The following NCAM2 variants were observed in gnomAD, a reference collection of about 807,000 sequenced individuals.
NCAM2 encodes the protein neural cell adhesion molecule 2.
A neutral mutation model predicts 98.1 loss-of-function variants in NCAM2; 30 were observed. That is an observed-to-expected ratio of 0.31 (90% CI 0.23 to 0.41). NCAM2 has a LOEUF of 0.41. Among genes scored for constraint, NCAM2 ranks in the 10% least tolerant of loss-of-function variants. NCAM2 has a pLI of 1.00. For synonymous variants in NCAM2, 368 were observed against 342.4 expected, an observed-to-expected ratio of 1.07 and a Z score of -0.83; for missense variants, 867 against 1,005.8, an observed-to-expected ratio of 0.86 and a Z score of 1.87.
intron 15 of NCAM2, among the ~76,000 whole-genome samples, chr21:21,506,834 T>A (rs930151174): frequency 7.2e-5 from 11 of 152,122 alleles, no homozygotes; most frequent in Admixed American, 3.3e-4. Context: ...CTACCTTGTG[T>A]TTATCACTAG....
intron 1 of NCAM2, among the ~76,000 whole-genome samples, chr21:21,079,103 T>C (rs1232571946): frequency 1.3e-5 from 2 of 152,156 alleles, no homozygotes; most frequent in Admixed American, 6.5e-5. Context: ...AAAACCTCGC[T>C]GAAGGGTTGA....
chr21:21,076,741 A>G (rs75810294), intron 1 of NCAM2, among the ~76,000 whole-genome samples: 1 of 152,076 alleles, frequency 6.6e-6, no homozygotes, highest in East Asian at 1.9e-4. Flanking sequence ...TCGGCTTTTT[A>G]AAAAAAATGC....
At chr21:21,343,270 G>A (rs916461454) in intron 8 of NCAM2, among the ~76,000 whole-genome samples, 12 of 151,450 alleles carry the variant, frequency 7.9e-5, no homozygotes, top group Middle Eastern at 3.4e-3. Context: ...TAGAGGTGTG[G>A]GAGGGGAGCA....
chr21:21,060,749 C>A (rs2065304738), intron 1 of NCAM2, among the ~76,000 whole-genome samples: 1 of 151,884 alleles, frequency 6.6e-6, no homozygotes, highest in Non-Finnish European at 1.5e-5. Context: ...TTTGAAGAGC[C>A]CATTTTTAAC....
chr21:21,480,162 C>A (rs181450484), intron 15 of NCAM2, among the ~76,000 whole-genome samples: 9 of 151,754 alleles, frequency 5.9e-5, no homozygotes, highest in Non-Finnish European at 1.2e-4. Flanking sequence ...GTCAGGAGAT[C>A]GAGACCATCC....
chr21:21,086,670 T>C (rs1297438448), intron 1 of NCAM2, among the ~76,000 whole-genome samples: 1 of 152,154 alleles, frequency 6.6e-6, no homozygotes, highest in Non-Finnish European at 1.5e-5. Flanking sequence ...AATTAGACTT[T>C]TTGAAGTATT....
intron 1 of NCAM2, among the ~76,000 whole-genome samples, chr21:21,137,314 A>G (rs1301705811): frequency 6.6e-6 from 1 of 152,242 alleles, no homozygotes; most frequent in African/African-American, 2.4e-5. Flanking sequence ...TTATTTACAA[A>G]TTAGAACTTT....
chr21:21,038,018 G>T (rs997540466), intron 1 of NCAM2, among the ~76,000 whole-genome samples: 1 of 152,104 alleles, frequency 6.6e-6, no homozygotes, highest in Non-Finnish European at 1.5e-5. Flanking sequence ...CTTTGCACAT[G>T]ACATTATGAA....
At chr21:21,479,082 A>G (rs1183223861) in intron 15 of NCAM2, among the ~76,000 whole-genome samples, 1 of 152,170 alleles carries the variant, frequency 6.6e-6, no homozygotes, top group Non-Finnish European at 1.5e-5. Flanking sequence ...TTGCAACAGT[A>G]TATACTATAA....
At chr21:21,032,025 T>G (rs2064695549) in intron 1 of NCAM2, among the ~76,000 whole-genome samples, 1 of 152,222 alleles carries the variant, frequency 6.6e-6, no homozygotes, top group African/African-American at 2.4e-5. Context: ...TATCATTGAT[T>G]AGATATATTT....
At chr21:21,325,358 C>T (rs1345771450) in intron 6 of NCAM2, among the ~76,000 whole-genome samples, 1 of 152,114 alleles carries the variant, frequency 6.6e-6, no homozygotes, top group African/African-American at 2.4e-5. Context: ...CAATTGAAAT[C>T]CCAAACTAAC....
At chr21:21,119,804 T>C (rs992959936) in intron 1 of NCAM2, among the ~76,000 whole-genome samples, 1 of 152,248 alleles carries the variant, frequency 6.6e-6, no homozygotes, top group African/African-American at 2.4e-5. Context: ...ATGAAGCTTA[T>C]GAAAACAGAA....
intron 16 of NCAM2, among the ~76,000 whole-genome samples, chr21:21,527,433 G>A (rs1989388188): frequency 6.6e-6 from 1 of 152,104 alleles, no homozygotes; most frequent in African/African-American, 2.4e-5. Flanking sequence ...CACGGAATGG[G>A]AGGAAATATT....
chr21:21,386,305 C>G (rs913177433), intron 9 of NCAM2, among the ~76,000 whole-genome samples: 1 of 152,096 alleles, frequency 6.6e-6, no homozygotes, highest in East Asian at 1.9e-4. Context: ...TAGAAAAATT[C>G]CTTGGTCATA....
intron 9 of NCAM2, chr21:21,385,523 C>T (rs1296168541): frequency 1.7e-6 from 1 of 574,752 alleles, no homozygotes; most frequent in Non-Finnish European, 2.9e-6. Flanking sequence ...TTGATAGAAG[C>T]CGCATTTACT....
chr21:21,522,406 T>C (rs1989072038), intron 16 of NCAM2, among the ~76,000 whole-genome samples: 1 of 150,794 alleles, frequency 6.6e-6, no homozygotes, highest in African/African-American at 2.4e-5. Flanking sequence ...TACATCTGAT[T>C]TTTCTGCAGA....
At chr21:21,056,498 G>GTGTGTA (rs2065212764) in intron 1 of NCAM2, among the ~76,000 whole-genome samples, 1 of 147,088 alleles carries the variant, frequency 6.8e-6, no homozygotes, top group African/African-American at 2.6e-5. Context: ...GTCTGTGTGT[G>GTGTGTA]TGTGTGTGTG....
At chr21:21,048,161 A>G (rs1031444971) in intron 1 of NCAM2, among the ~76,000 whole-genome samples, 1 of 152,142 alleles carries the variant, frequency 6.6e-6, no homozygotes, top group African/African-American at 2.4e-5. Context: ...CTCTCTCTGA[A>G]GTCTGCTATC....
intron 8 of NCAM2, among the ~76,000 whole-genome samples, chr21:21,350,658 A>G (rs935046334): frequency 1.3e-5 from 2 of 152,210 alleles, no homozygotes; most frequent in African/African-American, 4.8e-5. Flanking sequence ...AAACAGAGCT[A>G]TTTTAAACTA....
Sources: allele counts gnomAD v4.1 joint callset (sites outside exome capture counted in the v4.1 genomes callset), GRCh38; gene constraint gnomAD v4.1.1; transcripts MANE v1.5; gene names NCBI Gene and HGNC (gene_info 2026-07-23, HGNC 2026-07-21).